MYH15: variants seen among roughly 807,000 people sequenced by gnomAD.
The protein encoded by MYH15 is myosin heavy chain 15.
A neutral mutation model predicts 240.5 loss-of-function variants in MYH15; 227 were observed. The observed-to-expected ratio is 0.94, with a 90% CI of 0.85 to 1.05. The LOEUF is 1.05. MYH15 is among the 50% of genes least tolerant of loss of function. The pLI, the probability that MYH15 is intolerant of heterozygous loss-of-function variation, is 0.00. For missense variants in MYH15, 2,217 were observed against 2,247.5 expected (o/e 0.99, Z 0.27); for synonymous variants, 785 against 796.7 (o/e 0.99, Z 0.25).
Position 108,415,069 on chromosome 3 carries a change from A to G in MYH15, c.3949-641T>C, listed in dbSNP as rs890599439. ...ATTCTTAATTTTATTTAACTTTAATATAAATTTAAATAGTTACCTGTAGTG... is the reference window on the plus strand; with the variant it reads ...ATTCTTAATTTTATTTAACTTTAATGTAAATTTAAATAGTTACCTGTAGTG... On this transcript the variant is annotated intron_variant, in intron 29 of 40. Coordinates refer to ENST00000693548, the MANE Select transcript of MYH15 (RefSeq NM_014981.3). Among the ~76,000 whole-genome samples, 7 of 152,206 alleles carry G rather than the reference A, an allele frequency of 4.6e-5. No individual in the cohort carries two copies. In the South Asian group the frequency reaches 6.2e-4, roughly 14 times the overall value.
intron 18 of MYH15, among the ~76,000 whole-genome samples, chr3:108,458,561 T>C (rs955790976): frequency 6.6e-6 from 1 of 152,064 alleles, no homozygotes; most frequent in Non-Finnish European, 1.5e-5. Context: ...CTATGTATTA[T>C]AAGGGTGGTT....
At chr3:108,486,558 T>C (rs754254110) in intron 9 of MYH15, 32 bp from the exon 10 acceptor site, 3 of 1,442,202 alleles carry the variant, frequency 2.1e-6, no homozygotes, top group Admixed American at 3.4e-5. Context: ...TTAAACAGCT[T>C]AAAGAAATCT....
intron 32 of MYH15, among the ~76,000 whole-genome samples, chr3:108,406,645 C>T (rs2082548270): frequency 6.6e-6 from 1 of 152,156 alleles, no homozygotes; most frequent in South Asian, 2.1e-4. Context: ...GATAAAGTTT[C>T]TCATAAAGGC....
At chr3:108,504,867 T>C (rs188092558) in intron 2 of MYH15, among the ~76,000 whole-genome samples, 1 of 152,322 alleles carries the variant, frequency 6.6e-6, no homozygotes, top group Admixed American at 6.5e-5. Flanking sequence ...CTGTGAACCT[T>C]ACAGTCTAGC....
At chr3:108,394,202 G>A in intron 35 of MYH15, 46 bp from the exon 36 acceptor site, 1 of 1,609,972 alleles carries the variant, frequency 6.2e-7, no homozygotes, top group Non-Finnish European at 8.5e-7. Flanking sequence ...AACCAGCAAT[G>A]CAAATGCAAG....
chr3:108,549,187 A>G, the MYH15 span, among the ~76,000 whole-genome samples: 9 of 152,086 alleles, frequency 5.9e-5, no homozygotes, highest in Admixed American at 5.9e-4. Context: ...ACATGCATAC[A>G]CACATACAAA....
chr3:108,464,493 C>T (rs2083096943), intron 15 of MYH15, 145 bp downstream of exon 15: 1 of 851,750 alleles, frequency 1.2e-6, no homozygotes, highest in African/African-American at 1.7e-5. Flanking sequence ...AAAGGCTACA[C>T]TACCTTTTTT....
Position 108,394,058 on chromosome 3 carries a change from T to C in MYH15, c.5232A>G (p.Glu1744=). 1 of 1,614,118 alleles carries C rather than the reference T, an allele frequency of 6.2e-7. No homozygotes were observed. Among genetic ancestry groups the C allele is most frequent in the Non-Finnish European group, 8.5e-7 (1 of 1,179,986 alleles). ...CAATGGCTGCCTTCTTGGCCTTCTC[T>C]TCTGCATTTTGACACTCCTGCACCA... The part of the protein sequence containing the change: ...EEVVQECQNA[E]EKAKKAAIEA... Residue 1744 remains glutamate, a synonymous_variant, in exon 36 of 41, where the codon GAA becomes GAG. Coordinates refer to ENST00000693548, the MANE Select transcript of MYH15 (RefSeq NM_014981.3).
chr3:108,477,646 T>C (rs1201896577), intron 11 of MYH15, among the ~76,000 whole-genome samples: 3 of 152,200 alleles, frequency 2.0e-5, no homozygotes, highest in Non-Finnish European at 4.4e-5. Flanking sequence ...CTGATAATTA[T>C]AGACAAGCAC....
At chr3:108,397,400 G>A (rs1334161737) in intron 35 of MYH15, among the ~76,000 whole-genome samples, 1 of 152,184 alleles carries the variant, frequency 6.6e-6, no homozygotes, top group East Asian at 1.9e-4. Context: ...TCATGACTCA[G>A]AAGAAGCATA....
rs1272886772 is a variant in MYH15 at position 108,410,931 on chromosome 3, T to A, written c.4147A>T (p.Lys1383Ter). 1.9e-6 allele frequency: 3 copies of A among 1,592,008 alleles called. No individual in the cohort carries two copies. In the Admixed American group the frequency reaches 5.1e-5, roughly 27 times the overall value. Reference sequence around the variant, plus strand: ...TCCTGCAATCTAATTGCCAGTTCCTTCCTGAGAAAGGAGGACACCCAAAGA... The same window carrying A: ...TCCTGCAATCTAATTGCCAGTTCCTACCTGAGAAAGGAGGACACCCAAAGA... ...QRTEDLEDAK[K>*]ELAIRLQEAA... is the part of the protein sequence containing the mutation. The change falls in exon 31 of 41, where the codon AAG (lysine) becomes TAG (stop). Residue 1383 changes from lysine to a stop codon, truncating the protein, a stop_gained and splice_region_variant. Transcript: ENST00000693548. LOFTEE classifies it high-confidence loss of function.
At chr3:108,458,586 A>G (rs1001329642) in intron 18 of MYH15, among the ~76,000 whole-genome samples, 2 of 152,108 alleles carry the variant, frequency 1.3e-5, no homozygotes, top group African/African-American at 4.8e-5. Flanking sequence ...CTCTGAAGAC[A>G]TAGGGCTTGT....
chr3:108,460,552 A>T (rs2083063561), intron 16 of MYH15, among the ~76,000 whole-genome samples, 185 bp from the exon 17 acceptor site: 1 of 152,158 alleles, frequency 6.6e-6, no homozygotes, highest in South Asian at 2.1e-4. Flanking sequence ...GTTTTTCCTT[A>T]AGGATATAAT....
chr3:108,456,677 A>T, intron 19 of MYH15, 89 bp downstream of exon 19: 1 of 945,362 alleles, frequency 1.1e-6, no homozygotes, highest in Non-Finnish European at 1.7e-6. Context: ...GACATCAACC[A>T]AACAAACAAT....
At chr3:108,547,459 A>G in the MYH15 span, among the ~76,000 whole-genome samples, 1 of 152,130 alleles carries the variant, frequency 6.6e-6, no homozygotes, top group African/African-American at 2.4e-5. Context: ...AATGAATTGA[A>G]TGTCATGATT....
chr3:108,503,723 C>A (rs957339338), intron 2 of MYH15, among the ~76,000 whole-genome samples: 1 of 152,130 alleles, frequency 6.6e-6, no homozygotes, highest in African/African-American at 2.4e-5. Flanking sequence ...ATGGTAGCCA[C>A]TTTGGAAAGC....
chr3:108,439,921 A>C lies in MYH15; in HGVS notation c.2899-8T>G. On this transcript the variant is annotated splice_polypyrimidine_tract_variant and splice_region_variant and intron_variant, in intron 23 of 40. Coordinates refer to ENST00000693548, the MANE Select transcript of MYH15 (RefSeq NM_014981.3). ...CTCAGTCAAGTTCTTGACCTGTGGG[A>C]AGAAGATGACAGCTTCATTAAAGCC... The C allele has an allele frequency of 6.4e-7, 1 of 1,562,950 alleles. No homozygotes were observed. Among genetic ancestry groups the C allele is most frequent in the Non-Finnish European group, 8.7e-7 (1 of 1,155,026 alleles).
intron 35 of MYH15, among the ~76,000 whole-genome samples, chr3:108,397,228 G>A (rs2107539726): frequency 6.6e-6 from 1 of 152,278 alleles, no homozygotes; most frequent in South Asian, 2.1e-4. Context: ...AGGGTCACTG[G>A]TGACCTGGCC....
intron 17 of MYH15, 27 bp downstream of exon 17, chr3:108,460,273 A>G (rs1178064870): frequency 3.3e-6 from 5 of 1,531,916 alleles, no homozygotes; most frequent in Non-Finnish European, 3.5e-6. Context: ...GGCAATTAAT[A>G]TATGAATAGA....
Sources: gnomAD v4.1 joint callset for allele counts (sites outside exome capture counted in the v4.1 genomes callset) on GRCh38, gnomAD v4.1.1 for gene constraint, MANE v1.5 for transcripts, NCBI Gene and HGNC (gene_info 2026-07-23, HGNC 2026-07-21) for gene names.